ACSL1: variants seen among roughly 807,000 people sequenced by gnomAD.
ACSL1 encodes acyl-CoA synthetase long chain family member 1, also known as long-chain-fatty-acid--CoA ligase 1.
A neutral mutation model predicts 98.4 loss-of-function variants in ACSL1; 41 were observed. The ratio of observed to expected loss-of-function variants is 0.42; its 90% CI spans 0.32 to 0.54. The LOEUF is 0.54. Among genes scored for constraint, ACSL1 ranks in the 20% least tolerant of loss-of-function variants. The pLI is 0.13. For synonymous variants in ACSL1, 316 were observed against 322.7 expected, an observed-to-expected ratio of 0.98 and a Z score of 0.22; for missense variants, 734 against 883.1, an observed-to-expected ratio of 0.83 and a Z score of 2.14.
chr4:184,767,613 TTA>T (rs1218052462), intron 12 of ACSL1, among the ~76,000 whole-genome samples: 6 of 152,212 alleles, frequency 3.9e-5, no homozygotes, highest in Admixed American at 3.9e-4. Flanking sequence ...AACCTTTGAA[TTA>T]CACACTTTAA....
At chr4:184,811,288 A>AT (rs557128839) in intron 1 of ACSL1, among the ~76,000 whole-genome samples, 1 of 150,846 alleles carries the variant, frequency 6.6e-6, no homozygotes, top group Non-Finnish European at 1.5e-5. Context: ...TTTTTTTTGT[A>AT]TTTTTAGTAG....
chr4:184,816,629 T>C (rs1366541748), intron 1 of ACSL1, among the ~76,000 whole-genome samples: 2 of 152,166 alleles, frequency 1.3e-5, no homozygotes, highest in Non-Finnish European at 2.9e-5. Flanking sequence ...GACACAGAAG[T>C]ATAATAAAAC....
chr4:184,760,860 G>A (rs567232430), intron 17 of ACSL1, among the ~76,000 whole-genome samples: 21 of 152,352 alleles, frequency 1.4e-4, no homozygotes, highest in African/African-American at 3.6e-4. Context: ...AGTGACTCAA[G>A]TTCCTTAATA....
chr4:184,802,052 GA>G lies in ACSL1; in HGVS notation c.195+1267del, dbSNP rs370742387. 5.2e-3 allele frequency among the ~76,000 whole-genome samples: 796 copies of G among 152,334 alleles called. 8 individuals are homozygous for G. The highest frequency in any genetic ancestry group is 0.018 in the African/African-American group (750 of 41,574). Reference sequence around the variant, plus strand: ...CCAGAACCTCACAGGAATCCCTTAGGAAAAGGGAGATTCCACTCATTCCCCA... The same window carrying G: ...CCAGAACCTCACAGGAATCCCTTAGGAAAGGGAGATTCCACTCATTCCCCA... On this transcript the variant is annotated intron_variant, in intron 2 of 20. Coordinates refer to ENST00000281455, the MANE Select transcript of ACSL1 (RefSeq NM_001995.5).
chr4:184,764,828 A>C, intron 15 of ACSL1, 25 bp downstream of exon 15: 2 of 1,597,412 alleles, frequency 1.3e-6, no homozygotes, highest in Non-Finnish European at 1.7e-6. Flanking sequence ...ACAAAATTCC[A>C]AAAAGGAGCC....
At chr4:184,797,291 CT>C (rs1221839188) in intron 2 of ACSL1, among the ~76,000 whole-genome samples, 2 of 152,214 alleles carry the variant, frequency 1.3e-5, no homozygotes, top group African/African-American at 4.8e-5. Context: ...TTCATAAAAA[CT>C]TATGAATCAA....
chr4:184,763,078 T>A (rs1763078778), intron 16 of ACSL1, 89 bp downstream of exon 16: 4 of 1,329,152 alleles, frequency 3.0e-6, no homozygotes, highest in Admixed American at 4.4e-5. Context: ...ATGGCTTTAT[T>A]GAGCTGTTGG....
rs757764241 is a variant in ACSL1 at position 184,803,520 on chromosome 4, T to C, written c.-6A>G. On this transcript the variant is annotated 5_prime_UTR_variant, in exon 2 of 21. Transcript: ENST00000281455. This position sits in a 1 kb window ranked among gnomAD's most constrained non-coding sequence, Gnocchi z 4.8. Reference sequence around the variant, plus strand: ...AACAGCTCATGGGCTTGCATTGTCCTGTGTTGATAGTTCTCTAAGCTGAAT... The same window carrying C: ...AACAGCTCATGGGCTTGCATTGTCCCGTGTTGATAGTTCTCTAAGCTGAAT... The C allele has an allele frequency of 2.0e-6, 3 of 1,535,498 alleles. No individual in the cohort carries two copies. The highest frequency in any genetic ancestry group is 1.2e-5 in the South Asian group (1 of 80,738).
chr4:184,758,579 A>G (rs1762433375), intron 18 of ACSL1: 2 of 152,190 alleles, frequency 1.3e-5, no homozygotes, highest in South Asian at 4.1e-4. Flanking sequence ...TAAAATGTAT[A>G]TAGGTTCATT....
chr4:184,774,427 G>A lies in ACSL1; in HGVS notation c.757-552C>T, dbSNP rs188474939. On this transcript the variant is annotated intron_variant, in intron 7 of 20. Coordinates refer to ENST00000281455, the MANE Select transcript of ACSL1 (RefSeq NM_001995.5). ...CTCAAATATCTCCCCTCGTAGAGTG[G>A]AGATAGGATTTGGGAGCCCCCAATT... Among the ~76,000 whole-genome samples the A allele has an allele frequency of 5.7e-3, 867 of 152,242 alleles. 4 individuals are homozygous for A. Among genetic ancestry groups the A allele is most frequent in the Non-Finnish European group, 9.7e-3 (661 of 68,004 alleles).
chr4:184,805,607 G>T, intron 1 of ACSL1: 1 of 752,366 alleles, frequency 1.3e-6, no homozygotes, highest in Non-Finnish European at 1.6e-6. Context: ...GAAGTGGGCG[G>T]GGGTTAGCAG....
intron 15 of ACSL1, among the ~76,000 whole-genome samples, chr4:184,763,649 AC>A (rs1473667025): frequency 1.3e-5 from 2 of 152,184 alleles, no homozygotes; most frequent in Non-Finnish European, 2.9e-5. Flanking sequence ...AGAAGAGAGA[AC>A]ATATGCAGCT....
intron 2 of ACSL1, among the ~76,000 whole-genome samples, chr4:184,801,454 C>T (rs918650902): frequency 1.3e-5 from 2 of 152,166 alleles, no homozygotes; most frequent in African/African-American, 2.4e-5. Context: ...CGGCCACCAG[C>T]CCCCCGCAGC....
chr4:184,811,961 G>GAA (rs1579962203), intron 1 of ACSL1, among the ~76,000 whole-genome samples: 1 of 152,204 alleles, frequency 6.6e-6, no homozygotes, highest in East Asian at 1.9e-4. Context: ...GAGACAGGAG[G>GAA]GTGATTTGTG....
chr4:184,778,824 A>C (rs1373512572), intron 5 of ACSL1, among the ~76,000 whole-genome samples: 1 of 152,138 alleles, frequency 6.6e-6, no homozygotes, highest in Admixed American at 6.5e-5. Context: ...AAACATTTTG[A>C]TGTGTTCATT....
At chr4:184,813,724 C>A in intron 1 of ACSL1, 1 of 408,878 alleles carries the variant, frequency 2.4e-6, no homozygotes, top group Non-Finnish European at 5.2e-6. Context: ...ACTCAGCTAA[C>A]CACAAAGTAA....
At chr4:184,800,189 C>T (rs905544902) in intron 2 of ACSL1, among the ~76,000 whole-genome samples, 6 of 152,184 alleles carry the variant, frequency 3.9e-5, no homozygotes, top group Admixed American at 1.3e-4. Context: ...CTTAGCAACA[C>T]TGAAGGAGGA....
rs988025229 is a variant in ACSL1 at position 184,825,501 on chromosome 4, G to A, written c.-33+415C>T. Reference sequence around the variant, plus strand: ...CGCCCGCGAGCCCGGCCTCTGGGCAGGCGGGGGCCGCGGACGAGGGCAACG... The same window carrying A: ...CGCCCGCGAGCCCGGCCTCTGGGCAAGCGGGGGCCGCGGACGAGGGCAACG... On this transcript the variant is annotated intron_variant, in intron 1 of 20. Coordinates refer to ENST00000281455, the MANE Select transcript of ACSL1 (RefSeq NM_001995.5). This position sits in a 1 kb window ranked among gnomAD's most constrained non-coding sequence, Gnocchi z 4.7. Among the ~76,000 whole-genome samples the A allele has an allele frequency of 2.6e-5, 4 of 151,872 alleles. No homozygotes were observed. The highest frequency in any genetic ancestry group is 2.0e-4 in the Admixed American group (3 of 15,264).
chr4:184,797,264 C>T (rs1367353868), intron 2 of ACSL1, among the ~76,000 whole-genome samples: 2 of 152,222 alleles, frequency 1.3e-5, no homozygotes, highest in Non-Finnish European at 2.9e-5. Flanking sequence ...TTTACCTCCA[C>T]AAGTCTGGTG....
Sources: allele counts gnomAD v4.1 joint callset (sites outside exome capture counted in the v4.1 genomes callset), GRCh38; gene constraint gnomAD v4.1.1; non-coding constraint Gnocchi (gnomAD v3.1); transcripts MANE v1.5; gene names NCBI Gene and HGNC (gene_info 2026-07-23, HGNC 2026-07-21).